Variants in ERC1 observed in about 807,000 individuals in gnomAD.
ERC1 encodes ELKS/RAB6-interacting/CAST family member 1.
Under a neutral mutation model 132.0 loss-of-function variants are expected in ERC1, and 56 were observed. The ratio of observed to expected loss-of-function variants is 0.42; its 90% CI spans 0.34 to 0.53. The LOEUF is 0.53. ERC1 is among the 20% of genes least tolerant of loss of function. ERC1 has a pLI of 0.03. For missense variants in ERC1, 1,202 were observed against 1,349.9 expected (o/e 0.89, Z 1.72); for synonymous variants, 478 against 476.1 (o/e 1.00, Z -0.05).
At chr12:1,300,802 G>C (rs1057342177) in intron 15 of ERC1, among the ~76,000 whole-genome samples, 1 of 152,066 alleles carries the variant, frequency 6.6e-6, no homozygotes, top group Admixed American at 6.5e-5. Context: ...TCAAATAACA[G>C]ATGCTGGTGA....
rs371864863 is a variant in ERC1, at chr12:1,147,771, A to G, written c.1737+5984A>G. On this transcript the variant is annotated intron_variant, in intron 8 of 18. Coordinates refer to ENST00000360905, the MANE Select transcript of ERC1 (RefSeq NM_178040.4). ...TTAATTATTTGATTTCATACAGTGCAAGTTTCTGAAGGCATCTGGATGCAC... is the reference window on the plus strand; with the variant it reads ...TTAATTATTTGATTTCATACAGTGCGAGTTTCTGAAGGCATCTGGATGCAC... Among the ~76,000 whole-genome samples, 17 of 152,282 alleles carry G rather than the reference A, an allele frequency of 1.1e-4. No individual in the cohort carries two copies. In the East Asian group the frequency reaches 1.7e-3, roughly 16 times the overall value.
At chr12:1,474,099 G>A (rs781345125) in intron 18 of ERC1, among the ~76,000 whole-genome samples, 4 of 152,186 alleles carry the variant, frequency 2.6e-5, no homozygotes, top group Non-Finnish European at 4.4e-5. Flanking sequence ...TCAAGTTAGG[G>A]GCTTGTGGGC....
intron 1 of ERC1, among the ~76,000 whole-genome samples, chr12:1,008,004 C>G (rs1429745113): frequency 6.6e-6 from 1 of 152,134 alleles, no homozygotes; most frequent in Non-Finnish European, 1.5e-5. Flanking sequence ...TTTCTACTTT[C>G]TTTTCCCCGC....
chr12:1,274,618 A>T (rs2078127817), intron 14 of ERC1, among the ~76,000 whole-genome samples: 2 of 151,906 alleles, frequency 1.3e-5, no homozygotes, highest in African/African-American at 4.8e-5. Flanking sequence ...TCAGCCTCCC[A>T]GGTAGCTGGG....
At chr12:1,180,430 A>G in intron 8 of ERC1, 110 bp from the exon 9 acceptor site, 1 of 920,398 alleles carries the variant, frequency 1.1e-6, no homozygotes, top group Non-Finnish European at 1.6e-6. Flanking sequence ...CAGAATGCAC[A>G]CACACAGACA....
Position 1,059,597 on chromosome 12 carries a change from A to G in ERC1, c.670-23567A>G, listed in dbSNP as rs1473447713. 3.9e-5 allele frequency among the ~76,000 whole-genome samples: 6 copies of G among 152,250 alleles called. No homozygotes were observed. In the South Asian group the frequency reaches 1.0e-3, roughly 26 times the overall value. ...TTTCTGCATCTATTGAGATAATCAT[A>G]TGGATTTTGTCATTCATGCTGTTGA... is the stretch of plus-strand genomic sequence containing the variant. On this transcript the variant is annotated intron_variant, in intron 2 of 18. Coordinates refer to ENST00000360905, the MANE Select transcript of ERC1 (RefSeq NM_178040.4).
rs569781143 is a variant in ERC1 at position 1,412,584 on chromosome 12, G to A, written c.3024+4337G>A. Reference sequence around the variant, plus strand: ...TCAATTTCTTCATCTTTAGGATGGAGGTTGTTGTGGGGAGTAGATAAGTTG... The same window carrying A: ...TCAATTTCTTCATCTTTAGGATGGAAGTTGTTGTGGGGAGTAGATAAGTTG... On this transcript the variant is annotated intron_variant, in intron 17 of 18. Coordinates refer to ENST00000360905, the MANE Select transcript of ERC1 (RefSeq NM_178040.4). 1.1e-4 allele frequency among the ~76,000 whole-genome samples: 17 copies of A among 152,308 alleles called. No homozygotes were observed. In the South Asian group the frequency reaches 3.5e-3, roughly 32 times the overall value.
At chr12:1,109,232 T>C (rs1251767629) in intron 4 of ERC1, among the ~76,000 whole-genome samples, 7 of 152,220 alleles carry the variant, frequency 4.6e-5, no homozygotes, top group Non-Finnish European at 5.9e-5. Flanking sequence ...AATGTTCTGT[T>C]GGAAGGTGAT....
In ERC1 at chr12:1,445,527, G is replaced by A. The variant is rs115407798; in HGVS notation, c.3213+777G>A. 4.2e-3 allele frequency among the ~76,000 whole-genome samples: 643 copies of A among 152,146 alleles called. 4 individuals carry two copies. Among genetic ancestry groups the A allele is most frequent in the African/African-American group, 0.014 (600 of 41,502 alleles). ...ATTACAGGCGTGATTCACCGCGCCCGGCCAGTTGTACGCTAGATCTCCTGA... is the reference window on the plus strand; with the variant it reads ...ATTACAGGCGTGATTCACCGCGCCCAGCCAGTTGTACGCTAGATCTCCTGA... On this transcript the variant is annotated intron_variant, in intron 18 of 18. Coordinates refer to ENST00000360905, the MANE Select transcript of ERC1 (RefSeq NM_178040.4).
intron 18 of ERC1, among the ~76,000 whole-genome samples, chr12:1,446,003 C>T (rs1442144162): frequency 6.6e-6 from 1 of 152,196 alleles, no homozygotes. Flanking sequence ...TCGCATGCTG[C>T]TGACCTCATG....
chr12:1,136,096 C>T (rs1028971618), intron 7 of ERC1, among the ~76,000 whole-genome samples: 1 of 152,200 alleles, frequency 6.6e-6, no homozygotes, highest in Admixed American at 6.5e-5. Flanking sequence ...AACCTGGGAA[C>T]CCATGTTTGA....
At chr12:1,303,835 T>C (rs973765623) in intron 15 of ERC1, among the ~76,000 whole-genome samples, 10 of 150,566 alleles carry the variant, frequency 6.6e-5, no homozygotes, top group Admixed American at 1.3e-4. Flanking sequence ...ATGCCTGTAA[T>C]CCCAGCTACT....
intron 18 of ERC1, among the ~76,000 whole-genome samples, chr12:1,477,342 C>G (rs2093994629): frequency 6.6e-6 from 1 of 152,196 alleles, no homozygotes; most frequent in African/African-American, 2.4e-5. Flanking sequence ...TATTATCACC[C>G]TCCCCCCTTT....
intron 17 of ERC1, among the ~76,000 whole-genome samples, chr12:1,439,091 G>A (rs2093032182): frequency 6.6e-6 from 1 of 152,044 alleles, no homozygotes; most frequent in Admixed American, 6.6e-5. Context: ...TATGCCTCTC[G>A]GAATGGTTCT....
At chr12:1,003,970 G>A (rs759910061) in intron 1 of ERC1, among the ~76,000 whole-genome samples, 6 of 152,136 alleles carry the variant, frequency 3.9e-5, no homozygotes, top group Admixed American at 6.6e-5. Flanking sequence ...TCTAAGTTAG[G>A]CAGGGCTGAA....
intron 18 of ERC1, among the ~76,000 whole-genome samples, chr12:1,459,001 A>C (rs1322060007): frequency 6.6e-6 from 1 of 152,252 alleles, no homozygotes; most frequent in Non-Finnish European, 1.5e-5. Flanking sequence ...TTTATACCAG[A>C]AAGTAAGGAA....
intron 3 of ERC1, among the ~76,000 whole-genome samples, chr12:1,095,310 G>T (rs572450534): frequency 2.7e-5 from 4 of 150,004 alleles, no homozygotes; most frequent in African/African-American, 9.8e-5. Context: ...CATGCCTGCG[G>T]TCCTAGCTAT....
At chr12:1,332,343 A>G (rs767865745) in intron 15 of ERC1, among the ~76,000 whole-genome samples, 1 of 152,214 alleles carries the variant, frequency 6.6e-6, no homozygotes, top group Non-Finnish European at 1.5e-5. Context: ...CTTTTAAAAA[A>G]ATGTTCTTCT....
intron 2 of ERC1, among the ~76,000 whole-genome samples, chr12:1,043,279 G>A (rs1970569498): frequency 6.6e-6 from 1 of 152,088 alleles, no homozygotes; most frequent in Non-Finnish European, 1.5e-5. Context: ...TCCTGACCTT[G>A]TGATCTGCCT....
Sources: gnomAD v4.1 joint callset for allele counts (sites outside exome capture counted in the v4.1 genomes callset) on GRCh38, gnomAD v4.1.1 for gene constraint, MANE v1.5 for transcripts, NCBI Gene and HGNC (gene_info 2026-07-23, HGNC 2026-07-21) for gene names.